The following EPSTI1 variants were observed in gnomAD, a reference collection of about 807,000 sequenced individuals.
EPSTI1 encodes the protein epithelial-stromal interaction protein 1.
In EPSTI1, 66 loss-of-function variants were observed where a neutral mutation model predicts 49.9. The observed-to-expected ratio is 1.32, with a 90% CI of 1.08 to 1.62. The LOEUF is 1.62. Ranked by LOEUF, EPSTI1 falls within the 40% of genes most tolerant of loss-of-function variation. The pLI is 0.00. For synonymous variants in EPSTI1, 137 were observed against 130.7 expected, an observed-to-expected ratio of 1.05 and a Z score of -0.33; for missense variants, 394 against 365.5, an observed-to-expected ratio of 1.08 and a Z score of -0.64.
rs544344723 is a variant in EPSTI1, at chr13:42,946,912, G to C, written c.563+7036C>G. 2.6e-5 allele frequency among the ~76,000 whole-genome samples: 4 copies of C among 152,314 alleles called. No individual in the cohort carries two copies. In the South Asian group the frequency reaches 6.2e-4, roughly 24 times the overall value. ...ATGCCTGATGATCTGAGGTGGAACA[G>C]TTTCATCCCAAAACCATCCCCCTTG... On this transcript the variant is annotated intron_variant, in intron 6 of 10. Coordinates refer to ENST00000313624, the MANE Select transcript of EPSTI1 (RefSeq NM_033255.5).
At position 42,953,996 on chromosome 13, in the gene EPSTI1, C is replaced by T. The variant is rs567502417; in HGVS notation, c.515G>A (p.Arg172Lys). ...EKSNKLEEKK[R>K]LQENLRREAF... is the part of the protein sequence containing the mutation. ...TTCTCTTCTAAGGTTTTCTTGAAGTCTTTTTTTCTCCTCCAGTTTATTGCT... is the reference window on the plus strand; with the variant it reads ...TTCTCTTCTAAGGTTTTCTTGAAGTTTTTTTTTCTCCTCCAGTTTATTGCT... Residue 172 changes from arginine to lysine, a missense_variant, in exon 6 of 11, where the codon AGA becomes AAA. Transcript: ENST00000313624. 2 of 1,612,556 alleles carry T rather than the reference C, an allele frequency of 1.2e-6. No homozygotes were observed. Among genetic ancestry groups the T allele is most frequent in the East Asian group, 2.2e-5 (1 of 44,852 alleles).
chr13:42,977,474 G>A (rs1023627842), intron 1 of EPSTI1, among the ~76,000 whole-genome samples: 1 of 152,334 alleles, frequency 6.6e-6, no homozygotes, highest in African/African-American at 2.4e-5. Flanking sequence ...TTTCTAGAAA[G>A]CCTCCTTTAA....
intron 8 of EPSTI1, among the ~76,000 whole-genome samples, chr13:42,902,232 C>CTT (rs11431398): frequency 0.28 from 42,418 of 149,058 alleles, 7,411 homozygotes; most frequent in Non-Finnish European, 0.4. Context: ...TCTCTTACAA[C>CTT]TTTTTTTTTT....
At chr13:42,933,312 TAAAAAA>T (rs1178617129) in intron 6 of EPSTI1, among the ~76,000 whole-genome samples, 1 of 77,344 alleles carries the variant, frequency 1.3e-5, no homozygotes, top group African/African-American at 3.7e-5. Flanking sequence ...ACATAAAAAG[TAAAAAA>T]AAAAAAAAAA....
At chr13:42,961,706 C>G (rs1004733141) in intron 5 of EPSTI1, among the ~76,000 whole-genome samples, 1 of 152,164 alleles carries the variant, frequency 6.6e-6, no homozygotes, top group Non-Finnish European at 1.5e-5. Context: ...GAATGAGACC[C>G]AGTGTCCCCT....
intron 6 of EPSTI1, among the ~76,000 whole-genome samples, chr13:42,928,071 C>T (rs2038239809): frequency 6.6e-6 from 1 of 152,182 alleles, no homozygotes; most frequent in Non-Finnish European, 1.5e-5. Context: ...CAGAGCCAGC[C>T]TCTATCTGTG....
intron 6 of EPSTI1, among the ~76,000 whole-genome samples, chr13:42,935,172 T>C (rs2038517694): frequency 6.6e-6 from 1 of 152,240 alleles, no homozygotes; most frequent in African/African-American, 2.4e-5. Flanking sequence ...TCATTCCATG[T>C]TCTTCTTTCA....
At chr13:42,963,465 G>C in intron 4 of EPSTI1, 127 bp from the exon 5 acceptor site, 1 of 690,126 alleles carries the variant, frequency 1.4e-6, no homozygotes, top group Non-Finnish European at 2.4e-6. Flanking sequence ...ATGATTATAG[G>C]TTGTTACTTC....
chr13:42,887,749 A>G lies in EPSTI1; in HGVS notation c.*745T>C, dbSNP rs1470892195. The G allele has an allele frequency of 6.6e-6, 1 of 152,406 alleles. No homozygotes were observed. The highest frequency in any genetic ancestry group is 2.4e-5 in the African/African-American group (1 of 41,476). 9.4% of individuals were successfully genotyped at this position (152,406 alleles called of 1,614,324 possible). ...TTTCTGAAACATGTACAAACTACAT[A>G]TGATGTCTATATTTGTGTCTAGCTG... On this transcript the variant is annotated 3_prime_UTR_variant, in exon 11 of 11. Coordinates refer to ENST00000313624, the MANE Select transcript of EPSTI1 (RefSeq NM_033255.5).
At chr13:42,980,367 C>T (rs1395893569) in intron 1 of EPSTI1, among the ~76,000 whole-genome samples, 1 of 152,166 alleles carries the variant, frequency 6.6e-6, no homozygotes, top group African/African-American at 2.4e-5. Flanking sequence ...TAAAGACATA[C>T]TTGAGACTGG....
intron 6 of EPSTI1, among the ~76,000 whole-genome samples, chr13:42,941,271 T>C (rs1441092278): frequency 6.6e-6 from 1 of 152,224 alleles, no homozygotes; most frequent in Non-Finnish European, 1.5e-5. Flanking sequence ...TACTGAATTT[T>C]TATATAAACA....
At chr13:42,888,593 T>C in intron 10 of EPSTI1, 91 bp from the exon 11 acceptor site, 1 of 1,318,946 alleles carries the variant, frequency 7.6e-7, no homozygotes, top group South Asian at 1.5e-5. Context: ...CAAAGAACGC[T>C]CTTATGCATC....
intron 6 of EPSTI1, among the ~76,000 whole-genome samples, chr13:42,929,675 G>T (rs1429047073): frequency 1.3e-5 from 2 of 152,186 alleles, no homozygotes; most frequent in Non-Finnish European, 2.9e-5. Flanking sequence ...AGAGAAGGAA[G>T]GGATGAGGGT....
At chr13:42,937,917 T>C (rs984617219) in intron 6 of EPSTI1, among the ~76,000 whole-genome samples, 2 of 152,202 alleles carry the variant, frequency 1.3e-5, no homozygotes, top group Admixed American at 6.5e-5. Flanking sequence ...AGAATCACCA[T>C]CTATAGCCTT....
chr13:42,894,469 C>T (rs981948250), intron 10 of EPSTI1, among the ~76,000 whole-genome samples: 3 of 152,132 alleles, frequency 2.0e-5, no homozygotes, highest in Non-Finnish European at 4.4e-5. Flanking sequence ...ACACAAAATA[C>T]ATTAAACACA....
chr13:42,975,282 G>A (rs757708592), intron 1 of EPSTI1, among the ~76,000 whole-genome samples: 2 of 152,128 alleles, frequency 1.3e-5, no homozygotes, highest in African/African-American at 2.4e-5. Flanking sequence ...CAGGCCGAGC[G>A]AATTACCCTT....
chr13:42,923,038 A>T (rs1252129945), intron 7 of EPSTI1, among the ~76,000 whole-genome samples: 2 of 152,086 alleles, frequency 1.3e-5, no homozygotes, highest in African/African-American at 4.8e-5. Context: ...AAAGATTTAG[A>T]CTCGAGGCCA....
intron 6 of EPSTI1, among the ~76,000 whole-genome samples, chr13:42,935,377 A>G (rs2038524918): frequency 6.6e-6 from 1 of 152,102 alleles, no homozygotes; most frequent in Admixed American, 6.6e-5. Flanking sequence ...GTCTGTAAAA[A>G]TCTCAAACCT....
At chr13:42,895,133 T>A (rs781630529) in intron 9 of EPSTI1, 25 bp from the exon 10 acceptor site, 7 of 1,582,922 alleles carry the variant, frequency 4.4e-6, no homozygotes, top group Non-Finnish European at 4.3e-6. Context: ...AAAATGTGTG[T>A]GAGTAGAAAA....
Sources: gnomAD v4.1 joint callset for allele counts (sites outside exome capture counted in the v4.1 genomes callset) on GRCh38, gnomAD v4.1.1 for gene constraint, MANE v1.5 for transcripts, NCBI Gene and HGNC (gene_info 2026-07-23, HGNC 2026-07-21) for gene names.